Variants in CNTNAP2 observed in about 807,000 individuals in gnomAD.
The protein encoded by CNTNAP2 is contactin associated protein 2.
CNTNAP2 carries 98 observed loss-of-function variants against 155.2 expected under a neutral mutation model. The ratio of observed to expected loss-of-function variants is 0.63; its 90% CI spans 0.54 to 0.75. CNTNAP2 has a LOEUF of 0.75. CNTNAP2 is among the 30% of genes least tolerant of loss of function. CNTNAP2 has a pLI of 0.00. For missense variants in CNTNAP2, 1,727 were observed against 1,688.1 expected, an observed-to-expected ratio of 1.02 and a Z score of -0.40; for synonymous variants, 651 against 631.2, an observed-to-expected ratio of 1.03 and a Z score of -0.47.
intron 10 of CNTNAP2, among the ~76,000 whole-genome samples, chr7:147,417,760 C>T (rs1385877113): frequency 6.6e-6 from 1 of 152,062 alleles, no homozygotes; most frequent in African/African-American, 2.4e-5. Context: ...ATAAGATATG[C>T]TGCATACTAA....
intron 4 of CNTNAP2, among the ~76,000 whole-genome samples, chr7:147,086,935 C>A (rs368226652): frequency 6.6e-6 from 1 of 152,186 alleles, no homozygotes; most frequent in Non-Finnish European, 1.5e-5. Flanking sequence ...ACACCTGTTA[C>A]TCCCTGATAC....
chr7:146,485,715 A>G (rs370079052), intron 1 of CNTNAP2, among the ~76,000 whole-genome samples: 6 of 151,836 alleles, frequency 4.0e-5, no homozygotes, highest in African/African-American at 1.5e-4. Flanking sequence ...CTCCACCTCG[A>G]CAGGTTCAGG....
At chr7:148,161,597 C>G (rs1241412280) in intron 17 of CNTNAP2, among the ~76,000 whole-genome samples, 1 of 152,106 alleles carries the variant, frequency 6.6e-6, no homozygotes, top group Non-Finnish European at 1.5e-5. Context: ...AGACAGGGGA[C>G]AGCCATCTTC....
chr7:146,154,278 T>C (rs1798093020), intron 1 of CNTNAP2, among the ~76,000 whole-genome samples: 1 of 152,194 alleles, frequency 6.6e-6, no homozygotes, highest in African/African-American at 2.4e-5. Flanking sequence ...TTGCTATATA[T>C]TCCCCCCAAC....
intron 11 of CNTNAP2, among the ~76,000 whole-genome samples, chr7:147,511,415 G>A (rs1400276102): frequency 7.3e-5 from 11 of 149,820 alleles, no homozygotes; most frequent in Non-Finnish European, 1.0e-4. Context: ...TCCTCAAGCC[G>A]ATTTTCTTTT....
chr7:147,465,222 TG>T (rs1798099684), intron 10 of CNTNAP2, among the ~76,000 whole-genome samples: 1 of 152,190 alleles, frequency 6.6e-6, no homozygotes, highest in Admixed American at 6.5e-5. Context: ...ATTTATTATT[TG>T]GGTGATGGGT....
At chr7:148,313,527 G>A (rs1226772662) in intron 21 of CNTNAP2, among the ~76,000 whole-genome samples, 1 of 152,130 alleles carries the variant, frequency 6.6e-6, no homozygotes, top group East Asian at 1.9e-4. Context: ...AGCTCCCGGG[G>A]GAGAAGGTTC....
At chr7:147,806,229 A>T (rs915021920) in intron 13 of CNTNAP2, among the ~76,000 whole-genome samples, 1 of 152,252 alleles carries the variant, frequency 6.6e-6, no homozygotes, top group African/African-American at 2.4e-5. Flanking sequence ...CCCAACAGGT[A>T]TGTGAAAAAA....
chr7:147,250,354 G>C (rs1299328917), intron 8 of CNTNAP2, among the ~76,000 whole-genome samples: 2 of 151,706 alleles, frequency 1.3e-5, no homozygotes, highest in Admixed American at 6.6e-5. Context: ...CACCTGCAAG[G>C]AGAAAAAAAG....
At chr7:147,015,833 A>G (rs1161324699) in intron 3 of CNTNAP2, among the ~76,000 whole-genome samples, 1 of 152,096 alleles carries the variant, frequency 6.6e-6, no homozygotes, top group African/African-American at 2.4e-5. Flanking sequence ...AATATATCCT[A>G]CACATTGGCA....
rs1030859019 is a variant in CNTNAP2, at chr7:148,270,078, A to G, written c.3475+2952A>G. Reference sequence around the variant, plus strand: ...TCTAGGTTCTGTCACTATGAGTAATATTCTCTGGTTCCTCTGTTTTCCAGG... The same window carrying G: ...TCTAGGTTCTGTCACTATGAGTAATGTTCTCTGGTTCCTCTGTTTTCCAGG... On this transcript the variant is annotated intron_variant, in intron 21 of 23. Coordinates refer to ENST00000361727, the MANE Select transcript of CNTNAP2 (RefSeq NM_014141.6). 9.9e-5 allele frequency among the ~76,000 whole-genome samples: 15 copies of G among 152,196 alleles called. 1 individual carries two copies. The highest frequency in any genetic ancestry group is 8.5e-4 in the Admixed American group (13 of 15,272).
chr7:146,794,894 G>A (rs1019129542), intron 2 of CNTNAP2, among the ~76,000 whole-genome samples: 1 of 152,226 alleles, frequency 6.6e-6, no homozygotes, highest in African/African-American at 2.4e-5. Context: ...TTAGTATATT[G>A]TGCTTTTATA....
chr7:146,563,290 T>G (rs1040187259), intron 1 of CNTNAP2, among the ~76,000 whole-genome samples: 1 of 152,146 alleles, frequency 6.6e-6, no homozygotes, highest in Non-Finnish European at 1.5e-5. Context: ...TTTCTGTCCT[T>G]TAGATATTAA....
At chr7:146,117,052 A>C in intron 1 of CNTNAP2, 79 bp downstream of exon 1, 1 of 1,243,718 alleles carries the variant, frequency 8.0e-7, no homozygotes, top group South Asian at 1.3e-5. Context: ...ATCAACTCCG[A>C]AGTGCATCGC....
intron 15 of CNTNAP2, among the ~76,000 whole-genome samples, chr7:148,003,017 G>A (rs1373707685): frequency 6.6e-6 from 1 of 152,218 alleles, no homozygotes; most frequent in Non-Finnish European, 1.5e-5. Context: ...AGCACGGGGA[G>A]CAGTCAGTGG....
intron 11 of CNTNAP2, among the ~76,000 whole-genome samples, chr7:147,556,106 C>T (rs574891662): frequency 2.6e-5 from 4 of 152,196 alleles, no homozygotes; most frequent in African/African-American, 7.2e-5. Context: ...CATGGTGTTT[C>T]GTATTCTACT....
chr7:146,908,912 T>A (rs1436575752), intron 3 of CNTNAP2, among the ~76,000 whole-genome samples: 2 of 148,308 alleles, frequency 1.3e-5, no homozygotes, highest in Admixed American at 1.3e-4. Flanking sequence ...CTAGCAAGAC[T>A]AATAAAGAAA....
chr7:146,747,820 G>T (rs1324513293), intron 1 of CNTNAP2, among the ~76,000 whole-genome samples: 2 of 152,040 alleles, frequency 1.3e-5, no homozygotes, highest in African/African-American at 4.8e-5. Context: ...GATAATTATG[G>T]ACTGAATATT....
intron 1 of CNTNAP2, among the ~76,000 whole-genome samples, chr7:146,218,582 A>G (rs190614557): frequency 6.6e-6 from 1 of 152,282 alleles, no homozygotes; most frequent in East Asian, 1.9e-4. Flanking sequence ...AAACGAAAAA[A>G]TAAAAATATA....
Sources: allele counts gnomAD v4.1 joint callset (sites outside exome capture counted in the v4.1 genomes callset), GRCh38; gene constraint gnomAD v4.1.1; transcripts MANE v1.5; gene names NCBI Gene and HGNC (gene_info 2026-07-23, HGNC 2026-07-21).